The following MARCHF1 variants were observed in gnomAD, a reference collection of about 807,000 sequenced individuals.
MARCHF1 encodes E3 ubiquitin-protein ligase MARCHF1.
In MARCHF1, 40 loss-of-function variants were observed where a neutral mutation model predicts 54.2. That is an observed-to-expected ratio of 0.74 (90% CI 0.57 to 0.96). The LOEUF (loss-of-function observed/expected upper bound fraction) is 0.96, where lower values mean the gene tolerates loss of function less well. Among genes scored for constraint, MARCHF1 ranks in the 40% least tolerant of loss-of-function variants. The pLI, the probability that MARCHF1 is intolerant of heterozygous loss-of-function variation, is 0.00. For missense variants in MARCHF1, 586 were observed against 656.5 expected (o/e 0.89, Z 1.17); for synonymous variants, 236 against 236.3 (o/e 1.00, Z 0.01).
At chr4:164,211,413 C>G (rs1731771952) in intron 1 of MARCHF1, among the ~76,000 whole-genome samples, 3 of 145,210 alleles carry the variant, frequency 2.1e-5, no homozygotes, top group Admixed American at 6.9e-5. Flanking sequence ...TATATATATA[C>G]CAATTGCATA....
chr4:164,003,950 G>C (rs1579453282), intron 2 of MARCHF1, among the ~76,000 whole-genome samples: 1 of 152,080 alleles, frequency 6.6e-6, no homozygotes, highest in African/African-American at 2.4e-5. Flanking sequence ...GGAATACTAT[G>C]CAGCCATAAA....
At chr4:163,813,858 A>G (rs1360648322) in intron 4 of MARCHF1, among the ~76,000 whole-genome samples, 1 of 152,136 alleles carries the variant, frequency 6.6e-6, no homozygotes, top group Non-Finnish European at 1.5e-5. Context: ...GTCTTGGAAC[A>G]TGTCTGGGGT....
intron 4 of MARCHF1, among the ~76,000 whole-genome samples, chr4:163,853,278 A>G (rs961041006): frequency 4.6e-5 from 7 of 152,202 alleles, no homozygotes; most frequent in Non-Finnish European, 7.4e-5. Context: ...AAACACTTTC[A>G]TTCTTGTAAA....
At chr4:164,036,809 G>A (rs1314131256) in intron 2 of MARCHF1, among the ~76,000 whole-genome samples, 1 of 151,702 alleles carries the variant, frequency 6.6e-6, no homozygotes, top group Non-Finnish European at 1.5e-5. Context: ...ATGAAGCAAG[G>A]AAAACATTCA....
chr4:163,923,434 G>A (rs10023254), intron 3 of MARCHF1, among the ~76,000 whole-genome samples: 116,058 of 151,922 alleles, frequency 0.76, 44,443 homozygotes, highest in East Asian at 0.9. Flanking sequence ...TTCGTTTTCT[G>A]TAATTAAGAG....
At chr4:164,201,223 T>A (rs1731443540) in intron 1 of MARCHF1, among the ~76,000 whole-genome samples, 1 of 152,040 alleles carries the variant, frequency 6.6e-6, no homozygotes, top group Non-Finnish European at 1.5e-5. Context: ...TGTTTTGTTT[T>A]GTTTTGTTTT....
intron 1 of MARCHF1, among the ~76,000 whole-genome samples, chr4:164,338,494 T>A (rs562413422): frequency 3.3e-5 from 5 of 152,222 alleles, no homozygotes; most frequent in Middle Eastern, 3.4e-3. Flanking sequence ...ATGGATTTTT[T>A]AAAAAAGAAA....
intron 3 of MARCHF1, among the ~76,000 whole-genome samples, chr4:163,874,404 A>G (rs890371909): frequency 6.6e-5 from 10 of 152,208 alleles, no homozygotes; most frequent in African/African-American, 2.2e-4. Flanking sequence ...ATACTGTAAG[A>G]CCCAAAGAGG....
chr4:163,686,729 AAG>A (rs1348388537), intron 5 of MARCHF1, among the ~76,000 whole-genome samples: 1 of 152,100 alleles, frequency 6.6e-6, no homozygotes, highest in Admixed American at 6.5e-5. Flanking sequence ...AGTCAAAGAA[AAG>A]ACTCAACTGA....
At chr4:163,881,494 A>G (rs1251955058) in intron 3 of MARCHF1, among the ~76,000 whole-genome samples, 1 of 152,114 alleles carries the variant, frequency 6.6e-6, no homozygotes. Flanking sequence ...AAAATTATCC[A>G]ACAAATGTGG....
intron 3 of MARCHF1, among the ~76,000 whole-genome samples, chr4:163,871,215 G>A (rs2111217066): frequency 6.6e-6 from 1 of 152,250 alleles, no homozygotes; most frequent in Middle Eastern, 3.4e-3. Context: ...TCTTTCATAT[G>A]TGAGAGACAG....
chr4:164,043,184 G>A (rs558719451), intron 2 of MARCHF1, among the ~76,000 whole-genome samples: 4 of 152,232 alleles, frequency 2.6e-5, no homozygotes, highest in Admixed American at 2.0e-4. Flanking sequence ...GAGTCTGTAT[G>A]GGGGCTCCAA....
At chr4:163,892,985 T>C (rs1666841159) in intron 3 of MARCHF1, among the ~76,000 whole-genome samples, 1 of 151,926 alleles carries the variant, frequency 6.6e-6, no homozygotes. Flanking sequence ...GATAGCATTA[T>C]AGCAAAACGA....
At chr4:163,907,639 G>C (rs1579383422) in intron 3 of MARCHF1, among the ~76,000 whole-genome samples, 1 of 152,178 alleles carries the variant, frequency 6.6e-6, no homozygotes, top group East Asian at 1.9e-4. Context: ...TCATGCGTGA[G>C]AAAATGAAAG....
At chr4:164,184,429 A>G (rs1046557856) in intron 1 of MARCHF1, among the ~76,000 whole-genome samples, 4 of 152,332 alleles carry the variant, frequency 2.6e-5, no homozygotes, top group Admixed American at 2.6e-4. Flanking sequence ...CATTGAAGAG[A>G]AAGTAATTCT....
intron 4 of MARCHF1, among the ~76,000 whole-genome samples, chr4:163,720,291 T>TC (rs1047629416): frequency 4.4e-4 from 67 of 152,350 alleles, no homozygotes; most frequent in African/African-American, 1.5e-3. Context: ...GGGAATCCTT[T>TC]CCCCATTTCT....
intron 1 of MARCHF1, among the ~76,000 whole-genome samples, chr4:164,204,626 C>A (rs1731555582): frequency 6.6e-6 from 1 of 152,176 alleles, no homozygotes; most frequent in African/African-American, 2.4e-5. Context: ...ATGAAATATG[C>A]AAGAAGCTCC....
chr4:163,672,798 A>G (rs1196804434), intron 5 of MARCHF1, among the ~76,000 whole-genome samples: 1 of 152,198 alleles, frequency 6.6e-6, no homozygotes, highest in African/African-American at 2.4e-5. Flanking sequence ...ACTGGAATCC[A>G]GCTCCCTGCC....
At chr4:163,942,158 T>C (rs1051670524) in intron 3 of MARCHF1, among the ~76,000 whole-genome samples, 2 of 152,210 alleles carry the variant, frequency 1.3e-5, no homozygotes, top group African/African-American at 4.8e-5. Flanking sequence ...CCTGCTTTTA[T>C]AAAATATCTG....
Sources: allele counts gnomAD v4.1 joint callset (sites outside exome capture counted in the v4.1 genomes callset), GRCh38; gene constraint gnomAD v4.1.1; transcripts MANE v1.5; gene names NCBI Gene and HGNC (gene_info 2026-07-23, HGNC 2026-07-21).